NOX5: variants seen among roughly 807,000 people sequenced by gnomAD.
NOX5 encodes the protein NADPH oxidase, EF-hand calcium binding domain 5.
A neutral mutation model predicts 85.7 loss-of-function variants in NOX5; 76 were observed. The observed-to-expected ratio is 0.89, with a 90% CI of 0.74 to 1.07. NOX5 has a LOEUF of 1.07. Among genes scored for constraint, NOX5 ranks in the 50% least tolerant of loss-of-function variants. The pLI is 0.00. For missense variants in NOX5, 973 were observed against 999.5 expected, an observed-to-expected ratio of 0.97 and a Z score of 0.36; for synonymous variants, 405 against 401.4, an observed-to-expected ratio of 1.01 and a Z score of -0.11.
Position 69,033,143 on chromosome 15 carries a change from T to C in NOX5, c.721T>C (p.Cys241Arg). 1 of 1,572,694 alleles carries C rather than the reference T, an allele frequency of 6.4e-7. No homozygotes were observed. The highest frequency in any genetic ancestry group is 1.1e-5 in the South Asian group (1 of 87,302). Residue 241 changes from cysteine to arginine, a missense_variant, in exon 5 of 16, where the codon TGC (cysteine) becomes CGC (arginine). By Grantham distance (180) the Cys-to-Arg change is radical (BLOSUM62 -3). Transcript: ENST00000388866. ...YWHNHRSQLF[C>R]LATYAGLHVL... ...GCACAACCACCGCAGCCAGCTGTTC[T>C]GCCTGGCCACCTATGCAGGCCTCCA...
chr15:69,056,613 T>C lies in NOX5; in HGVS notation c.2215T>C (p.Phe739Leu). ...GAAGAAGGGCAAGGTGCAGGTCTTC[T>C]TCTGTGGCTCCCCAGCTCTGGCCAA... is the stretch of plus-strand genomic sequence containing the variant. ...AEKKGKVQVF[F>L]CGSPALAKVL... Residue 739 changes from phenylalanine (F) to leucine (L), a missense_variant, in exon 16 of 16, where the codon TTC (phenylalanine) becomes CTC (leucine). Physicochemically the swap from Phe to Leu is conservative, Grantham distance 22. Coordinates refer to ENST00000388866, the MANE Select transcript of NOX5 (RefSeq NM_024505.4). 1 of 1,613,842 alleles carries C rather than the reference T, an allele frequency of 6.2e-7. No homozygotes were observed. Among genetic ancestry groups the C allele is most frequent in the Non-Finnish European group, 8.5e-7 (1 of 1,180,036 alleles).
At position 69,060,132 on chromosome 15, in the gene NOX5, G is replaced by GGAGACAGCAGGCATTCCTGAAAT. The variant is rs1320550941; in HGVS notation, c.*3439_*3461dup. 3 of 152,422 alleles carry GGAGACAGCAGGCATTCCTGAAAT rather than the reference G, an allele frequency of 2.0e-5. No homozygotes were observed. Among genetic ancestry groups the GGAGACAGCAGGCATTCCTGAAAT allele is most frequent in the African/African-American group, 7.2e-5 (3 of 41,588 alleles). The allele number at this position is 152,422 out of a possible 1,614,324, so 9.4% of individuals were successfully genotyped here. On this transcript the variant is annotated 3_prime_UTR_variant, in exon 16 of 16. Transcript: ENST00000388866. ...ACTGTTCTGTGAGGACAGCGCTGACGGAGACAGCAGGCATTCCTGAAATGA... is the reference window on the plus strand; with the variant it reads ...ACTGTTCTGTGAGGACAGCGCTGACGGAGACAGCAGGCATTCCTGAAATGAGACAGCAGGCATTCCTGAAATGA...
rs2050868994 is a variant in NOX5 at position 69,061,301 on chromosome 15, C to T, written c.*4605C>T. 1.3e-5 allele frequency: 2 copies of T among 152,206 alleles called. No individual in the cohort carries two copies. Among genetic ancestry groups the T allele is most frequent in the Non-Finnish European group, 1.5e-5 (1 of 68,038 alleles). 9.4% of individuals were successfully genotyped at this position (152,206 alleles called of 1,614,324 possible). On this transcript the variant is annotated 3_prime_UTR_variant, in exon 16 of 16. Transcript: ENST00000388866. ...TTCAATAAGGGAGGCTCCTATAGTG[C>T]CCATTATCAATATGCTGCTGGCCCT...
chr15:69,041,108 C>T (rs554500155), intron 9 of NOX5, among the ~76,000 whole-genome samples: 3 of 152,324 alleles, frequency 2.0e-5, no homozygotes, highest in Non-Finnish European at 2.9e-5. Flanking sequence ...ATACCAACTT[C>T]GTTTACAGAG....
At chr15:69,053,132 T>A (rs1159216833) in intron 14 of NOX5, among the ~76,000 whole-genome samples, 3 of 152,234 alleles carry the variant, frequency 2.0e-5, no homozygotes, top group Non-Finnish European at 4.4e-5. Flanking sequence ...TTGCATTAAA[T>A]AATTTTTGGT....
At chr15:69,056,425 G>A in intron 15 of NOX5, 140 bp from the exon 16 acceptor site, 1 of 1,067,140 alleles carries the variant, frequency 9.4e-7, no homozygotes, top group Non-Finnish European at 1.4e-6. Flanking sequence ...CAGCAGCTGT[G>A]CCATGCAGCT....
rs200180547 is a variant in NOX5, at chr15:69,031,629, T to C, written c.437T>C (p.Leu146Pro). 654 of 1,613,268 alleles carry C rather than the reference T, an allele frequency of 4.1e-4. No homozygotes were observed. The highest frequency in any genetic ancestry group is 5.1e-4 in the Non-Finnish European group (600 of 1,180,020). The change falls in exon 4 of 16, where the codon CTG becomes CCG. Residue 146 changes from leucine to proline, a missense_variant. Transcript: ENST00000388866. ...TGSGSIDPDE[L>P]RTVLQSCLRE... ...AGTGGCTCCATTGACCCGGATGAGC[T>C]GCGCACTGTGCTGCAGTCGTGTCTG...
intron 14 of NOX5, among the ~76,000 whole-genome samples, chr15:69,051,621 A>G (rs2050750815): frequency 6.6e-6 from 1 of 152,058 alleles, no homozygotes. Context: ...GTGATCTACC[A>G]GCTTTGGCCT....
Position 69,038,902 on chromosome 15 carries a change from C to A in NOX5, c.1417C>A (p.Pro473Thr). Residue 473 changes from proline to threonine, a missense_variant, in exon 9 of 16, where the codon CCT (proline) becomes ACT (threonine). Pro to Thr is a conservative substitution (Grantham distance 38, BLOSUM62 -1). Transcript: ENST00000388866. Reference protein sequence around the residue: ...IKRPPFFHYRPGDYLYLNIPT... With the variant: ...IKRPPFFHYRTGDYLYLNIPT... ...GCGGCCCCCTTTTTTTCACTATAGA[C>A]CTGGTGACTACTTGTATCTGAACAT... is the stretch of plus-strand genomic sequence containing the variant. 6.2e-7 allele frequency: 1 copy of A among 1,614,086 alleles called. No individual in the cohort carries two copies. Among genetic ancestry groups the A allele is most frequent in the Non-Finnish European group, 8.5e-7 (1 of 1,179,992 alleles).
chr15:69,029,123 C>T (rs1276065026), intron 3 of NOX5: 1 of 152,158 alleles, frequency 6.6e-6, no homozygotes, highest in African/African-American at 2.4e-5. Flanking sequence ...ATTGAAACTC[C>T]TTGCCCACTG....
At chr15:69,051,632 C>G (rs1027899709) in intron 14 of NOX5, among the ~76,000 whole-genome samples, 1 of 152,132 alleles carries the variant, frequency 6.6e-6, no homozygotes, top group African/African-American at 2.4e-5. Context: ...GCTTTGGCCT[C>G]CCAAAGTGCT....
intron 1 of NOX5, chr15:69,023,435 A>T: frequency 2.4e-6 from 1 of 425,266 alleles, no homozygotes; most frequent in South Asian, 1.9e-5. Context: ...GAGGCTGATT[A>T]TAGGTGCCAT....
Position 69,033,037 on chromosome 15 carries a change from TCG to T in NOX5, c.621-4_621-3del. On this transcript the variant is annotated splice_region_variant and splice_polypyrimidine_tract_variant and intron_variant, in intron 4 of 15. Transcript: ENST00000388866. ...CGCCTCTGAGCGGAACCCGCCTCTCTCGCAGCGCTGCCCACTGGCTGACGGCC... is the reference window on the plus strand; with the variant it reads ...CGCCTCTGAGCGGAACCCGCCTCTCTCAGCGCTGCCCACTGGCTGACGGCC... 1 of 1,551,640 alleles carries T rather than the reference TCG, an allele frequency of 6.4e-7. No individual in the cohort carries two copies. The highest frequency in any genetic ancestry group is 8.6e-7 in the Non-Finnish European group (1 of 1,164,168).
Position 69,038,930 on chromosome 15 carries a change from C to A in NOX5, c.1445C>A (p.Pro482His). 6 of 1,614,122 alleles carry A rather than the reference C, an allele frequency of 3.7e-6. No homozygotes were observed. The highest frequency in any genetic ancestry group is 5.1e-6 in the Non-Finnish European group (6 of 1,180,036). The change falls in exon 9 of 16, where the codon CCC becomes CAC. Residue 482 changes from proline to histidine, a missense_variant. Physicochemically the swap from Pro to His is moderately conservative, Grantham distance 77. Coordinates refer to ENST00000388866, the MANE Select transcript of NOX5 (RefSeq NM_024505.4). ...RPGDYLYLNI[P>H]TIARYEWHPF... Reference sequence around the variant, plus strand: ...GGTGACTACTTGTATCTGAACATCCCCACCATTGCTCGCTATGAGTGGCAC... The same window carrying A: ...GGTGACTACTTGTATCTGAACATCCACACCATTGCTCGCTATGAGTGGCAC...
chr15:69,033,215 G>A lies in NOX5; in HGVS notation c.793G>A (p.Ala265Thr). The change falls in exon 5 of 16, where the codon GCC becomes ACC. Residue 265 changes from alanine to threonine, a missense_variant. Ala to Thr is a moderately conservative substitution (Grantham distance 58). Coordinates refer to ENST00000388866, the MANE Select transcript of NOX5 (RefSeq NM_024505.4). ...LAASAHRDLG[A>T]SVMVAKGCGQ... is the part of the protein sequence containing the mutation. ...GGCCAGCGCGCACCGGGACCTCGGC[G>A]CCAGCGTCATGGTGGCCAAGGGCTG... is the stretch of plus-strand genomic sequence containing the variant. 1 of 1,597,302 alleles carries A rather than the reference G, an allele frequency of 6.3e-7. No homozygotes were observed. Among genetic ancestry groups the A allele is most frequent in the Non-Finnish European group, 8.5e-7 (1 of 1,178,926 alleles).
Position 69,028,210 on chromosome 15 carries a change from C to T in NOX5, c.175-5C>T, listed in dbSNP as rs1196988242. The stretch of plus-strand genomic sequence containing the variant: ...TGTGCTGTCTTCCACCCTTCTCGCC[C>T]ACAGTCCTTCTTTGCAGAGCGATTC... On this transcript the variant is annotated splice_region_variant and splice_polypyrimidine_tract_variant and intron_variant, in intron 2 of 15. Transcript: ENST00000388866. 6 of 1,594,194 alleles carry T rather than the reference C, an allele frequency of 3.8e-6. No homozygotes were observed. The highest frequency in any genetic ancestry group is 3.5e-5 in the Admixed American group (2 of 57,672).
rs1019029571 is a variant in NOX5, at chr15:69,033,416, C to T, written c.855+139C>T. ...CTTAGAAATCAGCTGGGCCAACGCTCAGAGTTGGAGGACGCCGCCCAGAGA... is the reference window on the plus strand; with the variant it reads ...CTTAGAAATCAGCTGGGCCAACGCTTAGAGTTGGAGGACGCCGCCCAGAGA... On this transcript the variant is annotated intron_variant, in intron 5 of 15. Coordinates refer to ENST00000388866, the MANE Select transcript of NOX5 (RefSeq NM_024505.4). The T allele has an allele frequency of 4.1e-6, 4 of 971,958 alleles. No individual in the cohort carries two copies. In the African/African-American group the frequency reaches 6.8e-5, roughly 17 times the overall value. 60.2% of individuals were successfully genotyped at this position (971,958 alleles called of 1,614,324 possible).
chr15:69,043,136 T>C (rs1159677441), intron 10 of NOX5, among the ~76,000 whole-genome samples: 2 of 152,248 alleles, frequency 1.3e-5, no homozygotes, highest in Non-Finnish European at 2.9e-5. Flanking sequence ...GGTTTGTTCA[T>C]CTATAAAATA....
rs2050851039 is a variant in NOX5 at position 69,059,486 on chromosome 15, C to T, written c.*2790C>T. 1 of 152,196 alleles carries T rather than the reference C, an allele frequency of 6.6e-6. No individual in the cohort carries two copies. Among genetic ancestry groups the T allele is most frequent in the Non-Finnish European group, 1.5e-5 (1 of 68,056 alleles). The allele number at this position is 152,196 out of a possible 1,614,324, so 9.4% of individuals were successfully genotyped here. A position where few individuals can be genotyped will look rare whatever the true frequency, so the allele number is the denominator to read the frequency against. On this transcript the variant is annotated 3_prime_UTR_variant, in exon 16 of 16. Transcript: ENST00000388866. ...AGCTTCTCACTGCCGCTGCCTTCCC[C>T]CAGAAACTCTACCCTCCCCATACCC...
Sources: gnomAD v4.1 joint callset for allele counts (sites outside exome capture counted in the v4.1 genomes callset) on GRCh38, gnomAD v4.1.1 for gene constraint, MANE v1.5 for transcripts, NCBI Gene and HGNC (gene_info 2026-07-23, HGNC 2026-07-21) for gene names.